KLRG1: variants seen among roughly 807,000 people sequenced by gnomAD.
KLRG1 encodes the protein killer cell lectin like receptor G1.
In KLRG1, 16 loss-of-function variants were observed where a neutral mutation model predicts 21.8. The observed-to-expected ratio is 0.73, with a 90% CI of 0.50 to 1.11. The LOEUF is 1.11. Ranked by LOEUF, KLRG1 falls within the 50% of genes most tolerant of loss-of-function variation. The pLI is 0.00. For synonymous variants in KLRG1, 69 were observed against 75.9 expected (o/e 0.91, Z 0.47); for missense variants, 173 against 218.3 (o/e 0.79, Z 1.31).
At chr12:9,006,392 A>C (rs867593419) in intron 3 of KLRG1, among the ~76,000 whole-genome samples, 1 of 152,340 alleles carries the variant, frequency 6.6e-6, no homozygotes, top group Non-Finnish European at 1.5e-5. Flanking sequence ...TATTCCAGGC[A>C]GAGGGAAAAG....
At chr12:9,005,282 C>A (rs993971587) in intron 3 of KLRG1, among the ~76,000 whole-genome samples, 6 of 152,046 alleles carry the variant, frequency 3.9e-5, no homozygotes, top group African/African-American at 1.4e-4. Context: ...CAGTAATCCA[C>A]CATGGCACGT....
At chr12:9,026,456 T>C in the KLRG1 span, among the ~76,000 whole-genome samples, 1 of 152,220 alleles carries the variant, frequency 6.6e-6, no homozygotes, top group African/African-American at 2.4e-5. Context: ...GTACTAGTCC[T>C]AGGTCCTTCT....
At chr12:8,966,680 A>T (rs1333069162) in intron 1 of KLRG1, among the ~76,000 whole-genome samples, 1 of 149,292 alleles carries the variant, frequency 6.7e-6, no homozygotes, top group African/African-American at 2.4e-5. Context: ...AAAAGTCAGG[A>T]AACAACAGGT....
the KLRG1 span, among the ~76,000 whole-genome samples, chr12:9,037,526 A>T: frequency 6.6e-6 from 1 of 152,126 alleles, no homozygotes; most frequent in East Asian, 1.9e-4. Context: ...TATGAAAAAA[A>T]TTTTTTAAAA....
chr12:9,092,356 A>C, the KLRG1 span, among the ~76,000 whole-genome samples: 2 of 152,188 alleles, frequency 1.3e-5, no homozygotes, highest in Non-Finnish European at 2.9e-5. Flanking sequence ...CCTAGACCAC[A>C]GTGAACACAG....
chr12:9,202,320 A>T, the KLRG1 span: 1 of 1,612,950 alleles, frequency 6.2e-7, no homozygotes. Flanking sequence ...GATGCTTACC[A>T]GTTCATTTCG....
the KLRG1 span, chr12:9,104,362 A>C: frequency 1.3e-5 from 21 of 1,603,042 alleles, no homozygotes; most frequent in Non-Finnish European, 1.8e-5. Flanking sequence ...ATATGACTTT[A>C]TTTGGTATAG....
chr12:9,207,194 C>T, the KLRG1 span, among the ~76,000 whole-genome samples: 375 of 152,318 alleles, frequency 2.5e-3, 7 homozygotes, highest in African/African-American at 8.6e-3. Context: ...CCCCTTATCC[C>T]TTTCCCGATT....
the KLRG1 span, among the ~76,000 whole-genome samples, chr12:9,078,680 G>A: frequency 1.3e-5 from 2 of 152,174 alleles, no homozygotes; most frequent in African/African-American, 4.8e-5. Context: ...ATTTTTGTTA[G>A]TTACTTGAGT....
the KLRG1 span, among the ~76,000 whole-genome samples, chr12:9,088,814 T>C: frequency 3.9e-5 from 6 of 152,342 alleles, no homozygotes; most frequent in African/African-American, 1.4e-4. Flanking sequence ...TATCAAATAC[T>C]GTTGGCTATG....
chr12:9,072,335 G>A, the KLRG1 span: 37 of 1,612,092 alleles, frequency 2.3e-5, no homozygotes, highest in Non-Finnish European at 3.1e-5. Context: ...CTTAGGATTA[G>A]GTGATAGAGT....
chr12:9,101,562 T>C, the KLRG1 span: 1 of 1,613,952 alleles, frequency 6.2e-7, no homozygotes. Context: ...GGGCTCAAGG[T>C]GGACAAAGCT....
the KLRG1 span, among the ~76,000 whole-genome samples, chr12:9,074,965 A>C: frequency 2.0e-5 from 3 of 152,324 alleles, no homozygotes; most frequent in African/African-American, 7.2e-5. Context: ...GCTAAGGCAG[A>C]TATTGATGCT....
At chr12:8,997,845 G>A (rs1451182513) in intron 3 of KLRG1, among the ~76,000 whole-genome samples, 3 of 151,888 alleles carry the variant, frequency 2.0e-5, no homozygotes, top group Non-Finnish European at 4.4e-5. Flanking sequence ...GAAGTGCAGT[G>A]GCACAATCTC....
chr12:9,077,006 C>G, the KLRG1 span: 1 of 1,417,302 alleles, frequency 7.1e-7, no homozygotes, highest in Non-Finnish European at 9.4e-7. Context: ...GGCAAATACA[C>G]GGATCACAGC....
At chr12:9,011,597 T>A (rs1212699600), downstream of KLRG1, among the ~76,000 whole-genome samples, 1 of 152,030 alleles carries the variant, frequency 6.6e-6, no homozygotes, top group East Asian at 1.9e-4. Flanking sequence ...CACTGATTTT[T>A]CCCCCGCAGG....
the KLRG1 span, chr12:9,090,047 TG>T: frequency 6.3e-7 from 1 of 1,577,176 alleles, no homozygotes; most frequent in Non-Finnish European, 8.7e-7. Context: ...CCAGTAGAAA[TG>T]AATAGCATCT....
chr12:9,050,165 G>A, the KLRG1 span, among the ~76,000 whole-genome samples: 1 of 152,216 alleles, frequency 6.6e-6, no homozygotes, highest in Admixed American at 6.5e-5. Context: ...TCACATTGGT[G>A]CAAAGCATTT....
chr12:9,155,156 C>T, the KLRG1 span, among the ~76,000 whole-genome samples: 165 of 152,306 alleles, frequency 1.1e-3, no homozygotes, highest in African/African-American at 3.9e-3. Context: ...GTGATATTTT[C>T]TGAGAATTGC....
Sources: gnomAD v4.1 joint callset for allele counts (sites outside exome capture counted in the v4.1 genomes callset) on GRCh38, gnomAD v4.1.1 for gene constraint, MANE v1.5 for transcripts, NCBI Gene and HGNC (gene_info 2026-07-23, HGNC 2026-07-21) for gene names.